The following TSPAN9 variants were observed in gnomAD, a reference collection of about 807,000 sequenced individuals.
TSPAN9 encodes tetraspanin-9.
A neutral mutation model predicts 31.0 loss-of-function variants in TSPAN9; 16 were observed. That is an observed-to-expected ratio of 0.52 (90% CI 0.35 to 0.78). TSPAN9 has a LOEUF of 0.78. Ranked by LOEUF, TSPAN9 falls within the 30% of genes least tolerant of loss-of-function variation. The pLI, the probability that TSPAN9 is intolerant of heterozygous loss-of-function variation, is 0.01. For synonymous variants in TSPAN9, 145 were observed against 121.6 expected (o/e 1.19, Z -1.27); for missense variants, 272 against 312.5 (o/e 0.87, Z 0.98).
At chr12:3,116,612 G>T (rs2098322590) in intron 2 of TSPAN9, among the ~76,000 whole-genome samples, 1 of 152,118 alleles carries the variant, frequency 6.6e-6, no homozygotes, top group African/African-American at 2.4e-5. Context: ...CCCTCACACT[G>T]GATTCCCGTC....
chr12:3,186,257 G>C (rs1465965638), intron 2 of TSPAN9, among the ~76,000 whole-genome samples: 1 of 152,226 alleles, frequency 6.6e-6, no homozygotes, highest in Admixed American at 6.5e-5. Flanking sequence ...CACCTGTCTT[G>C]TGTGAAACTG....
chr12:3,253,593 C>T (rs933105154), intron 3 of TSPAN9, among the ~76,000 whole-genome samples: 6 of 152,188 alleles, frequency 3.9e-5, no homozygotes, highest in African/African-American at 7.2e-5. Flanking sequence ...ACAGTCCCTG[C>T]GATGATGAAG....
intron 3 of TSPAN9, among the ~76,000 whole-genome samples, chr12:3,237,129 G>C (rs2098394190): frequency 6.6e-6 from 1 of 152,202 alleles, no homozygotes; most frequent in Non-Finnish European, 1.5e-5. Context: ...CCAGGAGAGA[G>C]GAGGGGCTGT....
At chr12:3,157,655 A>G (rs985669155) in intron 2 of TSPAN9, among the ~76,000 whole-genome samples, 6 of 152,210 alleles carry the variant, frequency 3.9e-5, no homozygotes, top group Non-Finnish European at 7.3e-5. Context: ...AAACAGACCT[A>G]CAGAGGTCAT....
chr12:3,257,641 C>G (rs966580666), intron 3 of TSPAN9, among the ~76,000 whole-genome samples: 3 of 152,052 alleles, frequency 2.0e-5, no homozygotes, highest in Non-Finnish European at 4.4e-5. Flanking sequence ...CCTCCTGCCC[C>G]CTCTTCGCTG....
chr12:3,256,475 C>G (rs953928546), intron 3 of TSPAN9, among the ~76,000 whole-genome samples: 3 of 152,230 alleles, frequency 2.0e-5, no homozygotes, highest in Admixed American at 2.0e-4. Flanking sequence ...TGGTTCCCCC[C>G]AGAAGGCGAG....
intron 2 of TSPAN9, among the ~76,000 whole-genome samples, chr12:3,190,218 G>T (rs2098363613): frequency 6.6e-6 from 1 of 152,224 alleles, no homozygotes; most frequent in Non-Finnish European, 1.5e-5. Flanking sequence ...TGGATGTGAG[G>T]TTGCAGAGCG....
At chr12:3,265,666 C>A (rs1008861200) in intron 3 of TSPAN9, among the ~76,000 whole-genome samples, 14 of 152,150 alleles carry the variant, frequency 9.2e-5, no homozygotes, top group Non-Finnish European at 2.9e-5. Context: ...CCCACGCCAC[C>A]ACCTGGGCTG....
At chr12:3,250,060 A>G (rs1862219683) in intron 3 of TSPAN9, among the ~76,000 whole-genome samples, 1 of 152,130 alleles carries the variant, frequency 6.6e-6, no homozygotes, top group African/African-American at 2.4e-5. Context: ...TCGGGCATGG[A>G]TGGTGGGTGG....
At chr12:3,229,763 G>A (rs1425904946) in intron 3 of TSPAN9, among the ~76,000 whole-genome samples, 1 of 103,666 alleles carries the variant, frequency 9.6e-6, no homozygotes, top group East Asian at 2.5e-4. Context: ...GGCACAGCTG[G>A]GGCTGACACA....
chr12:3,213,287 G>A (rs1231210296), intron 3 of TSPAN9, among the ~76,000 whole-genome samples: 1 of 152,194 alleles, frequency 6.6e-6, no homozygotes, highest in Non-Finnish European at 1.5e-5. Context: ...TCTGTTCTCT[G>A]TACAGTGAGG....
chr12:3,236,820 C>T (rs374016717), intron 3 of TSPAN9, among the ~76,000 whole-genome samples: 2 of 152,246 alleles, frequency 1.3e-5, no homozygotes, highest in Non-Finnish European at 1.5e-5. Flanking sequence ...GGATATAGCT[C>T]ATTCTGCAAG....
chr12:3,262,171 C>T (rs1862461551), intron 3 of TSPAN9, among the ~76,000 whole-genome samples: 1 of 152,206 alleles, frequency 6.6e-6, no homozygotes, highest in Non-Finnish European at 1.5e-5. Context: ...GCACTGCTCC[C>T]TGTTTGTTTG....
chr12:3,180,154 G>A (rs1481646291), intron 2 of TSPAN9, among the ~76,000 whole-genome samples: 2 of 152,094 alleles, frequency 1.3e-5, no homozygotes, highest in Non-Finnish European at 1.5e-5. Flanking sequence ...CTGAGAAAAC[G>A]TTTCATTAAT....
Position 3,118,255 on chromosome 12 carries a change from CGT to C in TSPAN9, c.-18+34537_-18+34538del, listed in dbSNP as rs1565581994. Among the ~76,000 whole-genome samples, 4 of 20,116 alleles carry C rather than the reference CGT, an allele frequency of 2.0e-4. 1 individual carries two copies. Among genetic ancestry groups the C allele is most frequent in the Non-Finnish European group, 6.2e-4 (4 of 6,432 alleles). The allele number at this position is 20,116 out of a possible 152,430, so 13.2% of individuals were successfully genotyped here. A position where few individuals can be genotyped will look rare whatever the true frequency, so the allele number is the denominator to read the frequency against. On this transcript the variant is annotated intron_variant, in intron 2 of 8. Transcript: ENST00000011898. The stretch of plus-strand genomic sequence containing the variant: ...GATTCCGCACCGCCCCTGCACCCGC[CGT>C]TTTTTTTTTTTTTTTTTTTTTTTGA...
chr12:3,115,334 G>A (rs1220618380), intron 2 of TSPAN9, among the ~76,000 whole-genome samples: 3 of 152,112 alleles, frequency 2.0e-5, no homozygotes, highest in Admixed American at 1.3e-4. Context: ...ATTCGTCATT[G>A]ACTGACTTGT....
At chr12:3,263,051 C>T (rs144881467) in intron 3 of TSPAN9, among the ~76,000 whole-genome samples, 87 of 152,306 alleles carry the variant, frequency 5.7e-4, no homozygotes, top group African/African-American at 2.1e-3. Context: ...TCCTGCCACT[C>T]TTAGGGAGGC....
chr12:3,232,642 G>T (rs2098391358), intron 3 of TSPAN9, among the ~76,000 whole-genome samples: 1 of 152,246 alleles, frequency 6.6e-6, no homozygotes, highest in Non-Finnish European at 1.5e-5. Flanking sequence ...TGAGTTTGTT[G>T]GTCAGGAGTG....
intron 2 of TSPAN9, among the ~76,000 whole-genome samples, chr12:3,086,126 G>A (rs888067251): frequency 6.6e-6 from 1 of 152,184 alleles, no homozygotes; most frequent in African/African-American, 2.4e-5. Flanking sequence ...ACAGCATAAC[G>A]AAATGAGAAT....
Sources: gnomAD v4.1 joint callset for allele counts (sites outside exome capture counted in the v4.1 genomes callset) on GRCh38, gnomAD v4.1.1 for gene constraint, MANE v1.5 for transcripts, NCBI Gene and HGNC (gene_info 2026-07-23, HGNC 2026-07-21) for gene names.